The following LYST variants were observed in gnomAD, a reference collection of about 807,000 sequenced individuals.
LYST encodes the protein lysosomal trafficking regulator.
Under a neutral mutation model 413.6 loss-of-function variants are expected in LYST, and 192 were observed. The observed-to-expected ratio is 0.46, with a 90% CI of 0.41 to 0.52. The LOEUF is 0.52. Among genes scored for constraint, LYST ranks in the 20% least tolerant of loss-of-function variants. The pLI, the probability that LYST is intolerant of heterozygous loss-of-function variation, is 0.00. For synonymous variants in LYST, 1,525 were observed against 1,567.3 expected, an observed-to-expected ratio of 0.97 and a Z score of 0.64; for missense variants, 3,815 against 4,499.9, an observed-to-expected ratio of 0.85 and a Z score of 4.35.
At chr1:235,805,640 A>T in intron 6 of LYST, 103 bp downstream of exon 6, 1 of 389,912 alleles carries the variant, frequency 2.6e-6, no homozygotes, top group Non-Finnish European at 4.2e-6. Flanking sequence ...TATATATATT[A>T]CATATATTAT....
chr1:235,751,183 T>C, intron 28 of LYST, 27 bp downstream of exon 28: 1 of 1,604,100 alleles, frequency 6.2e-7, no homozygotes, highest in Non-Finnish European at 8.5e-7. Context: ...CAATTTATGG[T>C]TATTAAAATA....
chr1:235,777,683 CA>C (rs1455369078), intron 16 of LYST, among the ~76,000 whole-genome samples: 4 of 152,134 alleles, frequency 2.6e-5, no homozygotes, highest in African/African-American at 7.2e-5. Context: ...TGGGTCAGGT[CA>C]ATTTATTTGA....
At position 235,706,946 on chromosome 1, in the gene LYST, T is replaced by C. The variant is rs187622132; in HGVS notation, c.10143+2145A>G. Among the ~76,000 whole-genome samples, 4 of 152,334 alleles carry C rather than the reference T, an allele frequency of 2.6e-5. No individual in the cohort carries two copies. The South Asian group carries it at 6.2e-4, about 24-fold the overall frequency. On this transcript the variant is annotated intron_variant, in intron 44 of 52. Transcript: ENST00000389793. ...CTAAATAAGCTCAGATATGGAGTGG[T>C]CTACTGTAGGTTCTGTGTGTGCACT...
chr1:235,814,008 CCAA>C (rs2102911001), intron 3 of LYST, among the ~76,000 whole-genome samples: 1 of 152,054 alleles, frequency 6.6e-6, no homozygotes, highest in African/African-American at 2.4e-5. Flanking sequence ...CTGAAGTACT[CCAA>C]CAACAGAAGG....
chr1:235,783,263 A>T (rs1259797619), intron 14 of LYST, among the ~76,000 whole-genome samples: 1 of 152,034 alleles, frequency 6.6e-6, no homozygotes, highest in African/African-American at 2.4e-5. Context: ...ATATAAACTT[A>T]ACTATTTTAA....
chr1:235,846,748 G>A (rs966072597), intron 1 of LYST, among the ~76,000 whole-genome samples: 5 of 152,064 alleles, frequency 3.3e-5, no homozygotes, highest in African/African-American at 7.2e-5. Flanking sequence ...AAGTCTCAGC[G>A]ATAGAACTAA....
chr1:235,807,192 G>A (rs917447819), intron 5 of LYST, among the ~76,000 whole-genome samples: 5 of 152,170 alleles, frequency 3.3e-5, no homozygotes, highest in Non-Finnish European at 7.3e-5. Context: ...GTTCACTTGG[G>A]AATTTTTGTT....
At chr1:235,825,052 C>A (rs1053424072) in intron 3 of LYST, among the ~76,000 whole-genome samples, 80 of 152,032 alleles carry the variant, frequency 5.3e-4, no homozygotes, top group African/African-American at 1.9e-3. Flanking sequence ...ACAACAACAA[C>A]AACAAAAACG....
rs374236670 is a variant in LYST, at chr1:235,705,482, T to C, written c.10144-2505A>G. Among the ~76,000 whole-genome samples, 48 of 151,676 alleles carry C rather than the reference T, an allele frequency of 3.2e-4. No individual in the cohort carries two copies. The South Asian group carries it at 0.01, about 32-fold the overall frequency. On this transcript the variant is annotated intron_variant, in intron 44 of 52. Coordinates refer to ENST00000389793, the MANE Select transcript of LYST (RefSeq NM_000081.4). ...CTCACTGCAGACTTGAACTCCTGGG[T>C]TCAAGTGATCCTACTGCCTCAGCCT...
intron 50 of LYST, among the ~76,000 whole-genome samples, chr1:235,666,225 TACACACACACACACACAC>T (rs66890524): frequency 5.7e-4 from 77 of 136,010 alleles, no homozygotes; most frequent in African/African-American, 1.9e-3. Flanking sequence ...AGTATGTACA[TACACACACACACACACAC>T]ACACACACAC....
At position 235,712,042 on chromosome 1, in the gene LYST, A is replaced by G. The variant is rs940590217; in HGVS notation, c.9925+15T>C. The stretch of plus-strand genomic sequence containing the variant: ...GCCCTCAGAAATATAAATTAAAAAT[A>G]ATTTATTGCTATACCTTCACGGTTA... On this transcript the variant is annotated intron_variant, in intron 43 of 52. Transcript: ENST00000389793. The G allele has an allele frequency of 2.5e-5, 38 of 1,508,720 alleles. No individual in the cohort carries two copies. In the Admixed American group the frequency reaches 3.0e-4, roughly 12 times the overall value. 93.5% of individuals were successfully genotyped at this position (1,508,720 alleles called of 1,614,324 possible). A position where few individuals can be genotyped will look rare whatever the true frequency, so the allele number is the denominator to read the frequency against.
chr1:235,877,829 C>T (rs6673237), intron 1 of LYST, among the ~76,000 whole-genome samples: 108,749 of 143,788 alleles, frequency 0.76, 41,003 homozygotes, highest in East Asian at 0.88. Flanking sequence ...ATGATCTATT[C>T]GGAAGTATCT....
At chr1:235,695,147 A>G (rs1294576830) in intron 46 of LYST, among the ~76,000 whole-genome samples, 5 of 152,262 alleles carry the variant, frequency 3.3e-5, no homozygotes, top group Admixed American at 3.3e-4. Flanking sequence ...CAGGCCAATA[A>G]GCATTTATTA....
chr1:235,798,576 C>CTTAAAAAAAAAAAAAAAAAAAAAAAAAAA (rs1558261064), intron 10 of LYST, among the ~76,000 whole-genome samples: 1 of 24,528 alleles, frequency 4.1e-5, no homozygotes, highest in African/African-American at 1.4e-4. Context: ...AAAACCCTGT[C>CTTAAAAAAAAAAAAAAAAAAAAAAAAAAA]ATAAAAAAAA....
At chr1:235,876,478 G>T (rs923007234) in intron 1 of LYST, among the ~76,000 whole-genome samples, 5 of 152,134 alleles carry the variant, frequency 3.3e-5, no homozygotes, top group Admixed American at 3.3e-4. Flanking sequence ...TTAATTTTTT[G>T]GATAAACGAG....
rs1366451411 is a variant in LYST, at chr1:235,709,034, T to G, written c.10143+57A>C. ...AAAGGAATGGCCGAACAACTAACCT[T>G]AAAATATTCAGGTTCTATCTTATAT... is the stretch of plus-strand genomic sequence containing the variant. On this transcript the variant is annotated intron_variant, in intron 44 of 52. Transcript: ENST00000389793. The G allele has an allele frequency of 3.4e-6, 5 of 1,480,602 alleles. No homozygotes were observed. In the African/African-American group the frequency reaches 6.9e-5, roughly 20 times the overall value. 91.7% of individuals were successfully genotyped at this position (1,480,602 alleles called of 1,614,324 possible). A position where few individuals can be genotyped will look rare whatever the true frequency, so the allele number is the denominator to read the frequency against.
intron 48 of LYST, among the ~76,000 whole-genome samples, chr1:235,680,784 A>G (rs1274561630): frequency 2.6e-5 from 4 of 151,940 alleles, no homozygotes; most frequent in African/African-American, 9.7e-5. Flanking sequence ...TTTTTAGTAG[A>G]GAAGAGGTTT....
rs1160407004 is a variant in LYST at position 235,798,354 on chromosome 1, A to C, written c.4006+1966T>G. On this transcript the variant is annotated intron_variant, in intron 10 of 52. Transcript: ENST00000389793. ...CATTAATTATAATACATATATCATA[A>C]AAAATTAGATGTTAATAATAGGGAA... 5.9e-5 allele frequency among the ~76,000 whole-genome samples: 9 copies of C among 152,058 alleles called. No homozygotes were observed. In the East Asian group the frequency reaches 1.7e-3, roughly 29 times the overall value.
upstream of LYST, among the ~76,000 whole-genome samples, chr1:235,868,133 T>A (rs1680735428): frequency 6.6e-6 from 1 of 152,156 alleles, no homozygotes; most frequent in Non-Finnish European, 1.5e-5. Flanking sequence ...TAGGCGAAGA[T>A]TGCCCACTTC....
Sources: gnomAD v4.1 joint callset for allele counts (sites outside exome capture counted in the v4.1 genomes callset) on GRCh38, gnomAD v4.1.1 for gene constraint, MANE v1.5 for transcripts, NCBI Gene and HGNC (gene_info 2026-07-23, HGNC 2026-07-21) for gene names.